RIMS1: variants seen among roughly 807,000 people sequenced by gnomAD.
The protein encoded by RIMS1 is regulating synaptic membrane exocytosis 1.
In RIMS1, 83 loss-of-function variants were observed where a neutral mutation model predicts 214.1. That is an observed-to-expected ratio of 0.39 (90% CI 0.32 to 0.47). RIMS1 has a LOEUF of 0.47. RIMS1 is among the 20% of genes least tolerant of loss of function. The pLI, the probability that RIMS1 is intolerant of heterozygous loss-of-function variation, is 0.99. For synonymous variants in RIMS1, 793 were observed against 786.8 expected, an observed-to-expected ratio of 1.01 and a Z score of -0.13; for missense variants, 2,050 against 2,161.8, an observed-to-expected ratio of 0.95 and a Z score of 1.03.
intron 29 of RIMS1, among the ~76,000 whole-genome samples, chr6:72,353,222 T>A (rs1292068104): frequency 6.6e-6 from 1 of 152,006 alleles, no homozygotes; most frequent in Non-Finnish European, 1.5e-5. Flanking sequence ...TGACCTCGGG[T>A]GATCCACCAG....
In RIMS1 at chr6:72,291,786, A is replaced by G. The variant is rs1451524706; in HGVS notation, c.3738-148A>G. On this transcript the variant is annotated intron_variant, in intron 25 of 33. Transcript: ENST00000521978. ...CCCCTTTTTGTAATATTCCATTTAC[A>G]CATATCATAAAAAGTGTTTGATTCT... 5.8e-6 allele frequency: 4 copies of G among 685,808 alleles called. No individual in the cohort carries two copies. In the East Asian group the frequency reaches 1.1e-4, roughly 19 times the overall value. 42.5% of individuals were successfully genotyped at this position (685,808 alleles called of 1,614,324 possible).
chr6:71,924,163 G>A (rs1444455917), intron 1 of RIMS1, among the ~76,000 whole-genome samples: 1 of 152,120 alleles, frequency 6.6e-6, no homozygotes, highest in Non-Finnish European at 1.5e-5. Flanking sequence ...AAAATATCTG[G>A]TAATTGGGAC....
At chr6:72,358,165 AAAG>A (rs2097706485) in intron 29 of RIMS1, among the ~76,000 whole-genome samples, 1 of 152,008 alleles carries the variant, frequency 6.6e-6, no homozygotes, top group Non-Finnish European at 1.5e-5. Flanking sequence ...TAAAGAACAG[AAAG>A]AAAAAAAAAA....
intron 6 of RIMS1, among the ~76,000 whole-genome samples, chr6:72,214,727 T>TC (rs1346739394): frequency 1.4e-5 from 2 of 145,192 alleles, no homozygotes; most frequent in African/African-American, 2.5e-5. Context: ...TCATGCATTC[T>TC]TTTTTTTTTT....
Position 72,278,132 on chromosome 6 carries a change from T to C in RIMS1, c.3482+3700T>C, listed in dbSNP as rs1010509813. On this transcript the variant is annotated intron_variant, in intron 23 of 33. Transcript: ENST00000521978. ...TCACTGCAGTTACTATCTTCAATAT[T>C]TTGATTGAGAATGGTTTTTAATCTA... Among the ~76,000 whole-genome samples, 15 of 151,058 alleles carry C rather than the reference T, an allele frequency of 9.9e-5. No individual in the cohort carries two copies. In the South Asian group the frequency reaches 2.9e-3, roughly 30 times the overall value.
intron 4 of RIMS1, among the ~76,000 whole-genome samples, chr6:72,102,256 A>G (rs1443997109): frequency 6.6e-6 from 1 of 151,990 alleles, no homozygotes; most frequent in Admixed American, 6.6e-5. Flanking sequence ...TTGGTTGATG[A>G]ATATAGCAAC....
At chr6:72,004,693 CT>C (rs1002786941) in intron 2 of RIMS1, among the ~76,000 whole-genome samples, 46 of 152,000 alleles carry the variant, frequency 3.0e-4, no homozygotes, top group African/African-American at 1.1e-3. Flanking sequence ...TGTTCATATC[CT>C]TTGCCCACTT....
At chr6:72,013,865 C>T (rs1260549012) in intron 2 of RIMS1, among the ~76,000 whole-genome samples, 2 of 152,158 alleles carry the variant, frequency 1.3e-5, no homozygotes, top group Admixed American at 1.3e-4. Context: ...AAAACCCATA[C>T]TTATTAGCAA....
intron 6 of RIMS1, chr6:72,213,096 G>T: frequency 2.0e-6 from 3 of 1,536,678 alleles, no homozygotes; most frequent in Non-Finnish European, 1.7e-6. Flanking sequence ...AATCTCTCAA[G>T]CTGGATTTAT....
intron 1 of RIMS1, among the ~76,000 whole-genome samples, chr6:71,929,756 AT>A (rs968758335): frequency 3.3e-5 from 5 of 152,116 alleles, no homozygotes; most frequent in African/African-American, 1.2e-4. Context: ...CGCGAAAGAT[AT>A]GAAAGTTATC....
Position 72,183,033 on chromosome 6 carries a change from G to T in RIMS1, c.1562G>T (p.Arg521Ile). Residue 521 changes from arginine to isoleucine, a missense_variant, in exon 6 of 34, where the codon AGA (arginine) becomes ATA (isoleucine). Arg to Ile is a moderately conservative substitution (Grantham distance 97, BLOSUM62 -3). Around this residue, in one of 6 missense-constraint regions of RIMS1, gnomAD observed 882 missense variants for 828.9 expected, o/e 1.06. Transcript: ENST00000521978. ...PSPPKPHRSK[R>I]GGKKRQMSVS... Reference sequence around the variant, plus strand: ...CCGCCCAAGCCGCACCGGTCCAAGAGAGGCGGCAAGAAGCGGCAGATGTCG... The same window carrying T: ...CCGCCCAAGCCGCACCGGTCCAAGATAGGCGGCAAGAAGCGGCAGATGTCG... The T allele has an allele frequency of 1.2e-6, 2 of 1,600,844 alleles. No homozygotes were observed. Among genetic ancestry groups the T allele is most frequent in the Non-Finnish European group, 1.7e-6 (2 of 1,174,508 alleles).
At chr6:71,899,679 C>A (rs1772987630) in intron 1 of RIMS1, among the ~76,000 whole-genome samples, 1 of 152,052 alleles carries the variant, frequency 6.6e-6, no homozygotes, top group South Asian at 2.1e-4. Context: ...CTTTTGCACC[C>A]ACAGCCCTTT....
chr6:72,186,387 A>G (rs2049098812), intron 6 of RIMS1, among the ~76,000 whole-genome samples: 1 of 152,248 alleles, frequency 6.6e-6, no homozygotes, highest in South Asian at 2.1e-4. Flanking sequence ...AAATAAATGA[A>G]CTTAAAACTC....
chr6:72,373,800 A>AT (rs1438559885), intron 29 of RIMS1, among the ~76,000 whole-genome samples: 1 of 151,980 alleles, frequency 6.6e-6, no homozygotes, highest in African/African-American at 2.4e-5. Context: ...AATCCACCAG[A>AT]TTTTTTCTTC....
intron 12 of RIMS1, among the ~76,000 whole-genome samples, chr6:72,248,757 C>A (rs1307849879): frequency 1.3e-5 from 2 of 152,092 alleles, no homozygotes; most frequent in African/African-American, 4.8e-5. Flanking sequence ...CAAATAATGA[C>A]CTTTTGCTCC....
intron 2 of RIMS1, among the ~76,000 whole-genome samples, chr6:72,033,894 A>C (rs998113219): frequency 1.3e-4 from 20 of 152,148 alleles, no homozygotes; most frequent in African/African-American, 4.3e-4. Flanking sequence ...GGTTTATAGA[A>C]ATTTTTTTAA....
intron 1 of RIMS1, among the ~76,000 whole-genome samples, chr6:71,888,976 C>T (rs959005372): frequency 2.0e-5 from 3 of 152,222 alleles, no homozygotes. Flanking sequence ...TGCTGTCTGT[C>T]TGTCTGGTTG....
chr6:71,902,750 T>A (rs899089225), intron 1 of RIMS1, among the ~76,000 whole-genome samples: 33 of 152,232 alleles, frequency 2.2e-4, no homozygotes, highest in African/African-American at 7.9e-4. Flanking sequence ...ATTGTTCAGC[T>A]CCCACTTATA....
intron 19 of RIMS1, chr6:72,263,476 C>G (rs1203373162): frequency 4.1e-6 from 4 of 981,498 alleles, no homozygotes; most frequent in Non-Finnish European, 4.8e-6. Flanking sequence ...GTGGCAAAGC[C>G]AAGGCAGGAA....
Sources: gnomAD v4.1 joint callset for allele counts (sites outside exome capture counted in the v4.1 genomes callset) on GRCh38, gnomAD v4.1.1 for gene constraint, gnomAD v4.1.1 regional missense constraint, MANE v1.5 for transcripts, NCBI Gene and HGNC (gene_info 2026-07-23, HGNC 2026-07-21) for gene names.